The following ADK variants were observed in gnomAD, a reference collection of about 807,000 sequenced individuals.
ADK encodes the protein N6,N6-dimethyladenosine kinase.
In ADK, 24 loss-of-function variants were observed where a neutral mutation model predicts 44.7. The ratio of observed to expected loss-of-function variants is 0.54; its 90% CI spans 0.39 to 0.76. ADK has a LOEUF of 0.76. Ranked by LOEUF, ADK falls within the 30% of genes least tolerant of loss-of-function variation. The pLI is 0.00. For synonymous variants in ADK, 128 were observed against 142.6 expected, an observed-to-expected ratio of 0.90 and a Z score of 0.73; for missense variants, 321 against 425.1, an observed-to-expected ratio of 0.76 and a Z score of 2.15.
Position 74,663,248 on chromosome 10 carries a change from A to AATATATATAT in ADK, c.878-6924_878-6915dup, listed in dbSNP as rs199853152. 3.9e-3 allele frequency among the ~76,000 whole-genome samples: 548 copies of AATATATATAT among 140,830 alleles called. 1 individual carries two copies. Among genetic ancestry groups the AATATATATAT allele is most frequent in the African/African-American group, 0.012 (469 of 37,782 alleles). 92.4% of individuals were successfully genotyped at this position (140,830 alleles called of 152,430 possible). A position where few individuals can be genotyped will look rare whatever the true frequency, so the allele number is the denominator to read the frequency against. Reference sequence around the variant, plus strand: ...AGATGCTATCTCAAAAAAAAAAAATAATATATATATATATATATATGTATC... The same window carrying AATATATATAT: ...AGATGCTATCTCAAAAAAAAAAAATAATATATATATATATATATATATATATATATGTATC... On this transcript the variant is annotated intron_variant, in intron 9 of 10. Coordinates refer to ENST00000539909, the MANE Select transcript of ADK (RefSeq NM_006721.4).
At chr10:74,513,097 G>A (rs556199220) in intron 6 of ADK, among the ~76,000 whole-genome samples, 1 of 152,094 alleles carries the variant, frequency 6.6e-6, no homozygotes, top group African/African-American at 2.4e-5. Flanking sequence ...AGATATCTAA[G>A]TTTACGCCAT....
intron 6 of ADK, among the ~76,000 whole-genome samples, chr10:74,432,307 A>G (rs1173422142): frequency 1.3e-5 from 2 of 152,222 alleles, no homozygotes; most frequent in Non-Finnish European, 2.9e-5. Flanking sequence ...CAGACAGGCC[A>G]TATTCCATAT....
At chr10:74,380,468 T>C (rs1477824326) in intron 4 of ADK, among the ~76,000 whole-genome samples, 1 of 152,140 alleles carries the variant, frequency 6.6e-6, no homozygotes, top group African/African-American at 2.4e-5. Context: ...ATGAGAAGAA[T>C]AGTTCTTCTC....
intron 6 of ADK, among the ~76,000 whole-genome samples, chr10:74,465,040 A>G (rs1846304185): frequency 6.6e-6 from 1 of 152,198 alleles, no homozygotes; most frequent in South Asian, 2.1e-4. Flanking sequence ...GTAATGCTTT[A>G]AACAAAATAT....
chr10:74,575,274 G>C (rs1360814487), intron 7 of ADK, among the ~76,000 whole-genome samples: 1 of 152,132 alleles, frequency 6.6e-6, no homozygotes, highest in Non-Finnish European at 1.5e-5. Flanking sequence ...ATGAAAAAGA[G>C]TTTCTGCACC....
At chr10:74,675,677 T>A (rs917985386) in intron 10 of ADK, among the ~76,000 whole-genome samples, 2 of 152,206 alleles carry the variant, frequency 1.3e-5, no homozygotes, top group African/African-American at 2.4e-5. Flanking sequence ...TTTGGAACCC[T>A]CTTTGTCACT....
intron 9 of ADK, among the ~76,000 whole-genome samples, chr10:74,664,531 T>A (rs985903873): frequency 6.6e-6 from 1 of 152,088 alleles, no homozygotes; most frequent in Admixed American, 6.6e-5. Flanking sequence ...AAAGTTAAAT[T>A]AAAAACAAGC....
chr10:74,531,987 C>G (rs1296068902), intron 7 of ADK, among the ~76,000 whole-genome samples: 1 of 152,100 alleles, frequency 6.6e-6, no homozygotes, highest in Non-Finnish European at 1.5e-5. Context: ...AACTACAGAC[C>G]AATATCCCTC....
At chr10:74,478,262 C>T (rs1846932286) in intron 6 of ADK, among the ~76,000 whole-genome samples, 1 of 152,194 alleles carries the variant, frequency 6.6e-6, no homozygotes, top group African/African-American at 2.4e-5. Flanking sequence ...TTATCACTCC[C>T]AGGCTAGAGT....
chr10:74,439,354 G>A (rs1016217853), intron 6 of ADK, among the ~76,000 whole-genome samples: 10 of 152,026 alleles, frequency 6.6e-5, no homozygotes, highest in Admixed American at 1.3e-4. Flanking sequence ...TATCTTTTGA[G>A]TTCAGGAAGT....
intron 9 of ADK, among the ~76,000 whole-genome samples, chr10:74,602,828 T>A (rs1302708135): frequency 1.3e-5 from 2 of 152,248 alleles, no homozygotes; most frequent in African/African-American, 4.8e-5. Context: ...TAGCTGAATC[T>A]CTTTGCTATG....
intron 6 of ADK, among the ~76,000 whole-genome samples, chr10:74,435,192 G>A (rs191903684): frequency 5.3e-5 from 8 of 152,326 alleles, no homozygotes; most frequent in African/African-American, 1.9e-4. Flanking sequence ...ATAATGCAGT[G>A]TGGAAGAGTG....
chr10:74,527,590 G>A (rs1186210564), intron 7 of ADK: 7 of 769,582 alleles, frequency 9.1e-6, no homozygotes, highest in East Asian at 2.4e-5. Context: ...CGAGATAGCT[G>A]CCTCTGCCTT....
At chr10:74,580,855 T>C (rs886559680) in intron 7 of ADK, among the ~76,000 whole-genome samples, 3 of 152,156 alleles carry the variant, frequency 2.0e-5, no homozygotes, top group Non-Finnish European at 4.4e-5. Flanking sequence ...TTTCATTACC[T>C]GAGAAAGGCA....
At chr10:74,217,017 G>T (rs929081206) in intron 2 of ADK, among the ~76,000 whole-genome samples, 1 of 152,220 alleles carries the variant, frequency 6.6e-6, no homozygotes, top group Non-Finnish European at 1.5e-5. Context: ...GACAGTGGGC[G>T]CAGGTCAGTG....
chr10:74,457,807 G>C (rs12354659), intron 6 of ADK, among the ~76,000 whole-genome samples: 1 of 151,914 alleles, frequency 6.6e-6, no homozygotes, highest in African/African-American at 2.4e-5. Context: ...CATAAGTGGG[G>C]GTTGAACAAT....
At chr10:74,461,343 T>C (rs1345381523) in intron 6 of ADK, among the ~76,000 whole-genome samples, 2 of 152,140 alleles carry the variant, frequency 1.3e-5, no homozygotes, top group East Asian at 3.8e-4. Context: ...ATGGCTTGTG[T>C]AGCCTAATAC....
intron 7 of ADK, among the ~76,000 whole-genome samples, chr10:74,535,748 A>G (rs1177739763): frequency 6.6e-6 from 1 of 151,670 alleles, no homozygotes; most frequent in African/African-American, 2.4e-5. Context: ...ATGCCTGGCT[A>G]ATTTTTGTAT....
intron 6 of ADK, among the ~76,000 whole-genome samples, chr10:74,507,594 A>G (rs1440558507): frequency 6.6e-6 from 1 of 152,138 alleles, no homozygotes; most frequent in Non-Finnish European, 1.5e-5. Flanking sequence ...CAGCCTGGTG[A>G]CAGTGAAATC....
Sources: gnomAD v4.1 joint callset for allele counts (sites outside exome capture counted in the v4.1 genomes callset) on GRCh38, gnomAD v4.1.1 for gene constraint, MANE v1.5 for transcripts, NCBI Gene and HGNC (gene_info 2026-07-23, HGNC 2026-07-21) for gene names.